The following PPFIA2 variants were observed in gnomAD, a reference collection of about 807,000 sequenced individuals.
The protein encoded by PPFIA2 is PPFI scaffold protein A2, also known as liprin-alpha-2.
A neutral mutation model predicts 175.5 loss-of-function variants in PPFIA2; 46 were observed. The observed-to-expected ratio is 0.26, with a 90% CI of 0.21 to 0.34. PPFIA2 has a LOEUF of 0.34. PPFIA2 is among the 10% of genes least tolerant of loss of function. PPFIA2 has a pLI of 1.00. For synonymous variants in PPFIA2, 568 were observed against 511.4 expected (o/e 1.11, Z -1.49); for missense variants, 1,179 against 1,506.1 (o/e 0.78, Z 3.60).
chr12:81,566,529 T>TGGAAAAAAAAAAAAAAA (rs1567361817), intron 4 of PPFIA2, among the ~76,000 whole-genome samples: 2 of 14,826 alleles, frequency 1.3e-4, no homozygotes, highest in African/African-American at 4.1e-4. Context: ...AGACTCCAAC[T>TGGAAAAAAAAAAAAAAA]CAAAAAAAAA....
At chr12:81,303,297 A>G (rs2048322408) in intron 22 of PPFIA2, among the ~76,000 whole-genome samples, 1 of 152,186 alleles carries the variant, frequency 6.6e-6, no homozygotes, top group African/African-American at 2.4e-5. Context: ...ATTTCAGTCA[A>G]TCAAATATTT....
At chr12:81,647,208 C>A (rs1476069116) in intron 4 of PPFIA2, among the ~76,000 whole-genome samples, 4 of 151,948 alleles carry the variant, frequency 2.6e-5, no homozygotes, top group African/African-American at 7.2e-5. Context: ...TAGTAGCAGA[C>A]CAGACATAGT....
intron 25 of PPFIA2, 113 bp from the exon 26 acceptor site, chr12:81,283,152 T>C (rs573687669): frequency 1.6e-5 from 16 of 1,000,926 alleles, no homozygotes; most frequent in African/African-American, 1.1e-4. Context: ...ATATTTTGTA[T>C]AACAGGTAGA....
At chr12:81,652,950 G>A (rs545467192) in intron 4 of PPFIA2, among the ~76,000 whole-genome samples, 1 of 152,040 alleles carries the variant, frequency 6.6e-6, no homozygotes, top group South Asian at 2.1e-4. Context: ...AGACTTAGGA[G>A]CCATCTTTAA....
chr12:81,622,859 G>C (rs12306531), intron 4 of PPFIA2, among the ~76,000 whole-genome samples: 103 of 152,182 alleles, frequency 6.8e-4, no homozygotes, highest in African/African-American at 2.3e-3. Context: ...GTGATAACCA[G>C]AGTCCTTTAG....
intron 4 of PPFIA2, among the ~76,000 whole-genome samples, chr12:81,644,558 T>C (rs1033837936): frequency 1.3e-5 from 2 of 151,974 alleles, no homozygotes. Context: ...TTTCAAATTC[T>C]ATTTTCTACC....
At position 81,339,326 on chromosome 12, in the gene PPFIA2, G is replaced by C. The variant is rs1455632700; in HGVS notation, c.2402C>G (p.Ser801Cys). The change falls in exon 21 of 33, where the codon TCT becomes TGT. Residue 801 changes from serine to cysteine, a missense_variant. Physicochemically the swap from Ser to Cys is moderately radical, Grantham distance 112. Transcript: ENST00000549396. Reference protein sequence around the residue: ...SYHNDARSSLSVSLEPESLGL... With the variant: ...SYHNDARSSLCVSLEPESLGL... ...GAGGCTTTCTGGCTCAAGAGAGACA[G>C]ATAAACTACTGCAAAACACAAAAGA... is the stretch of plus-strand genomic sequence containing the variant. 2 of 1,579,250 alleles carry C rather than the reference G, an allele frequency of 1.3e-6. No individual in the cohort carries two copies. The highest frequency in any genetic ancestry group is 1.7e-6 in the Non-Finnish European group (2 of 1,165,066).
chr12:81,735,381 A>C (rs1568061519), intron 3 of PPFIA2, among the ~76,000 whole-genome samples: 1 of 151,824 alleles, frequency 6.6e-6, no homozygotes, highest in African/African-American at 2.4e-5. Flanking sequence ...GCTTATTGAC[A>C]TCTATTTACC....
intron 28 of PPFIA2, among the ~76,000 whole-genome samples, chr12:81,268,659 C>T (rs568876898): frequency 1.3e-5 from 2 of 152,314 alleles, no homozygotes; most frequent in African/African-American, 4.8e-5. Flanking sequence ...GCGTAGAACA[C>T]GATGTCTGTG....
chr12:81,508,450 G>A (rs1280491989), intron 4 of PPFIA2, among the ~76,000 whole-genome samples: 1 of 147,750 alleles, frequency 6.8e-6, no homozygotes, highest in Non-Finnish European at 1.5e-5. Context: ...GAACCCAGGA[G>A]GCGGAAGTTG....
chr12:81,320,789 A>G (rs1026503073), intron 22 of PPFIA2, among the ~76,000 whole-genome samples: 2 of 152,060 alleles, frequency 1.3e-5, no homozygotes, highest in Non-Finnish European at 2.9e-5. Flanking sequence ...CCTATTCAGG[A>G]TGGTCTTGAG....
chr12:81,430,418 T>G (rs2144439610), intron 7 of PPFIA2: 1 of 152,248 alleles, frequency 6.6e-6, no homozygotes, highest in Admixed American at 6.5e-5. Context: ...ACTATCTCTG[T>G]AAACATTTCC....
chr12:81,570,038 T>C (rs117329718), intron 4 of PPFIA2, among the ~76,000 whole-genome samples: 2,036 of 152,316 alleles, frequency 0.013, 16 homozygotes, highest in Non-Finnish European at 0.023. Flanking sequence ...TTATCCTGAA[T>C]TATTTCAAAA....
intron 4 of PPFIA2, among the ~76,000 whole-genome samples, chr12:81,597,541 C>T (rs2059373801): frequency 1.3e-5 from 2 of 151,988 alleles, no homozygotes; most frequent in African/African-American, 4.8e-5. Flanking sequence ...AAATATTTTT[C>T]TAAGCCAAGA....
At chr12:81,585,193 G>T (rs1405039052) in intron 4 of PPFIA2, among the ~76,000 whole-genome samples, 1 of 149,114 alleles carries the variant, frequency 6.7e-6, no homozygotes, top group African/African-American at 2.5e-5. Flanking sequence ...AATTGCTCTG[G>T]GTGAATTGGT....
intron 4 of PPFIA2, among the ~76,000 whole-genome samples, chr12:81,478,267 AT>A (rs1459005994): frequency 7.9e-5 from 12 of 151,460 alleles, no homozygotes; most frequent in African/African-American, 2.7e-4. Context: ...CTCCTTTATC[AT>A]TTTTTTTATT....
At chr12:81,421,746 C>T (rs1463648052) in intron 7 of PPFIA2, among the ~76,000 whole-genome samples, 1 of 151,656 alleles carries the variant, frequency 6.6e-6, no homozygotes, top group Non-Finnish European at 1.5e-5. Flanking sequence ...CATAGCATGG[C>T]TGAATGGATT....
intron 4 of PPFIA2, among the ~76,000 whole-genome samples, chr12:81,578,257 G>C (rs1416260182): frequency 6.6e-6 from 1 of 151,616 alleles, no homozygotes; most frequent in African/African-American, 2.4e-5. Context: ...CACACAAGGT[G>C]ACCTCTAATT....
intron 3 of PPFIA2, among the ~76,000 whole-genome samples, chr12:81,740,553 T>C (rs766828322): frequency 1.3e-5 from 2 of 152,146 alleles, no homozygotes; most frequent in African/African-American, 4.8e-5. Flanking sequence ...ATCGTGATGG[T>C]TGTTGCTACC....
Sources: allele counts gnomAD v4.1 joint callset (sites outside exome capture counted in the v4.1 genomes callset), GRCh38; gene constraint gnomAD v4.1.1; transcripts MANE v1.5; gene names NCBI Gene and HGNC (gene_info 2026-07-23, HGNC 2026-07-21).